ASIC2: variants seen among roughly 807,000 people sequenced by gnomAD.
ASIC2 encodes acid-sensing ion channel 2.
Under a neutral mutation model 57.3 loss-of-function variants are expected in ASIC2, and 25 were observed. The observed-to-expected ratio is 0.44, with a 90% CI of 0.32 to 0.61. The LOEUF is 0.61. Among genes scored for constraint, ASIC2 ranks in the 20% least tolerant of loss-of-function variants. ASIC2 has a pLI of 0.06. For missense variants in ASIC2, 641 were observed against 738.1 expected (o/e 0.87, Z 1.52); for synonymous variants, 319 against 307.5 (o/e 1.04, Z -0.39).
intron 1 of ASIC2, among the ~76,000 whole-genome samples, chr17:33,833,263 G>A (rs889749624): frequency 1.3e-5 from 2 of 151,976 alleles, no homozygotes; most frequent in African/African-American, 2.4e-5. Context: ...TGTCTGTTTC[G>A]TTTACCATTG....
chr17:33,799,378 C>CTTCCTTTCTTTCTTTCTTTCT, intron 1 of ASIC2, among the ~76,000 whole-genome samples: 1 of 19,094 alleles, frequency 5.2e-5, no homozygotes, highest in African/African-American at 2.0e-4. Context: ...TTCTTTCTTC[C>CTTCCTTTCTTTCTTTCTTTCT]TTTCTTTCTT....
At chr17:33,420,669 C>T (rs1164880892) in intron 1 of ASIC2, among the ~76,000 whole-genome samples, 1 of 152,142 alleles carries the variant, frequency 6.6e-6, no homozygotes, top group Non-Finnish European at 1.5e-5. Context: ...GCTAGTAAGC[C>T]AGTCCACCCC....
intron 1 of ASIC2, among the ~76,000 whole-genome samples, chr17:33,300,655 A>G (rs1414216235): frequency 1.3e-5 from 2 of 152,240 alleles, no homozygotes; most frequent in East Asian, 1.9e-4. Flanking sequence ...AACACACGCA[A>G]TTGAATGTCC....
At chr17:33,774,829 C>T (rs1340872060) in intron 1 of ASIC2, among the ~76,000 whole-genome samples, 1 of 152,178 alleles carries the variant, frequency 6.6e-6, no homozygotes, top group Admixed American at 6.5e-5. Flanking sequence ...TCTTTATGGT[C>T]AGTTCCAGCC....
chr17:34,093,257 C>T (rs1248213284), intron 1 of ASIC2, among the ~76,000 whole-genome samples: 2 of 152,210 alleles, frequency 1.3e-5, no homozygotes, highest in Non-Finnish European at 2.9e-5. Flanking sequence ...ACCTTTCCCA[C>T]ATCCTGCACC....
chr17:33,667,018 C>T (rs1221822640), intron 1 of ASIC2, among the ~76,000 whole-genome samples: 3 of 152,080 alleles, frequency 2.0e-5, no homozygotes, highest in East Asian at 1.9e-4. Flanking sequence ...TTTTTATTTG[C>T]GGAATCTGGC....
intron 2 of ASIC2, among the ~76,000 whole-genome samples, chr17:33,094,133 G>A (rs555238034): frequency 2.0e-5 from 3 of 152,276 alleles, no homozygotes; most frequent in South Asian, 2.1e-4. Context: ...TCTGTGCTAC[G>A]GGTTTGACTT....
At chr17:33,579,286 C>CAAAAAAAAAAA (rs71362894) in intron 1 of ASIC2, among the ~76,000 whole-genome samples, 2 of 103,688 alleles carry the variant, frequency 1.9e-5, no homozygotes, top group African/African-American at 7.5e-5. Flanking sequence ...AACTGTGTCT[C>CAAAAAAAAAAA]AAAAAAAAAA....
chr17:33,722,959 C>G (rs1339129354), intron 1 of ASIC2, among the ~76,000 whole-genome samples: 1 of 152,150 alleles, frequency 6.6e-6, no homozygotes, highest in Non-Finnish European at 1.5e-5. Flanking sequence ...ATGAAACTTT[C>G]ATCTTTTGCC....
chr17:33,045,910 C>T (rs533129622), intron 3 of ASIC2, among the ~76,000 whole-genome samples: 4 of 152,328 alleles, frequency 2.6e-5, no homozygotes, highest in African/African-American at 2.4e-5. Flanking sequence ...AGTGACCTTT[C>T]TCTATGTGAA....
chr17:33,148,220 T>G (rs1203667111), intron 1 of ASIC2, among the ~76,000 whole-genome samples: 1 of 152,256 alleles, frequency 6.6e-6, no homozygotes, highest in Non-Finnish European at 1.5e-5. Context: ...TTTTAGTGAA[T>G]GCCATACTGC....
chr17:33,173,524 C>A (rs186341818), intron 1 of ASIC2, among the ~76,000 whole-genome samples: 1 of 152,248 alleles, frequency 6.6e-6, no homozygotes, highest in Admixed American at 6.5e-5. Flanking sequence ...CCCCTTCCTG[C>A]CTCCTGGAGG....
At chr17:33,232,575 G>C (rs890062538) in intron 1 of ASIC2, among the ~76,000 whole-genome samples, 4 of 151,950 alleles carry the variant, frequency 2.6e-5, no homozygotes, top group Admixed American at 2.6e-4. Flanking sequence ...AATATACTTT[G>C]TTTTGTATTT....
At chr17:33,527,919 C>A (rs1463167073) in intron 1 of ASIC2, among the ~76,000 whole-genome samples, 1 of 152,112 alleles carries the variant, frequency 6.6e-6, no homozygotes, top group Non-Finnish European at 1.5e-5. Context: ...ATCTTTAAGG[C>A]CACTTTCGCT....
chr17:33,197,384 C>T (rs192333383), intron 1 of ASIC2, among the ~76,000 whole-genome samples: 104 of 152,346 alleles, frequency 6.8e-4, no homozygotes, highest in African/African-American at 2.4e-3. Flanking sequence ...CTGGGCCCCA[C>T]ACTTTCCAGG....
At chr17:33,983,476 G>A (rs1436344482) in intron 1 of ASIC2, among the ~76,000 whole-genome samples, 1 of 152,164 alleles carries the variant, frequency 6.6e-6, no homozygotes, top group Non-Finnish European at 1.5e-5. Flanking sequence ...GATGACGTTT[G>A]GGCCTCAGGT....
chr17:33,932,126 G>T (rs1474857098), intron 1 of ASIC2, among the ~76,000 whole-genome samples: 2 of 152,084 alleles, frequency 1.3e-5, no homozygotes, highest in Non-Finnish European at 2.9e-5. Flanking sequence ...ATCTGGAATG[G>T]GTTCTTTCTC....
intron 1 of ASIC2, among the ~76,000 whole-genome samples, chr17:33,863,311 A>T (rs914270408): frequency 6.6e-6 from 1 of 152,206 alleles, no homozygotes; most frequent in Non-Finnish European, 1.5e-5. Flanking sequence ...GTTCACATAG[A>T]ACTCTGGTAT....
intron 1 of ASIC2, among the ~76,000 whole-genome samples, chr17:33,227,882 T>C (rs898567068): frequency 6.6e-6 from 1 of 152,140 alleles, no homozygotes; most frequent in Non-Finnish European, 1.5e-5. Context: ...TGTTGTGCTC[T>C]AGGAAAGGTG....
Sources: gnomAD v4.1 joint callset for allele counts (sites outside exome capture counted in the v4.1 genomes callset) on GRCh38, gnomAD v4.1.1 for gene constraint, MANE v1.5 for transcripts, NCBI Gene and HGNC (gene_info 2026-07-23, HGNC 2026-07-21) for gene names.